SLC36A2: variants seen among roughly 807,000 people sequenced by gnomAD.
SLC36A2 encodes the protein solute carrier family 36 member 2.
Under a neutral mutation model 42.7 loss-of-function variants are expected in SLC36A2, and 39 were observed. The ratio of observed to expected loss-of-function variants is 0.91; its 90% confidence interval spans 0.71 to 1.19. The LOEUF (loss-of-function observed/expected upper bound fraction) is 1.19. SLC36A2 is among the 50% of genes most tolerant of loss of function. The pLI, the probability that SLC36A2 is intolerant of heterozygous loss-of-function variation, is 0.00. For missense variants in SLC36A2, 590 were observed against 613.7 expected, an observed-to-expected ratio of 0.96 and a Z score of 0.41; for synonymous variants, 237 against 240.8, an observed-to-expected ratio of 0.98 and a Z score of 0.15.
At chr5:151,326,294 C>T (rs1755849181) in intron 7 of SLC36A2, among the ~76,000 whole-genome samples, 1 of 152,288 alleles carries the variant, frequency 6.6e-6, no homozygotes, top group East Asian at 1.9e-4. Flanking sequence ...ATTCTTTTCC[C>T]ATTCACCAGG....
At chr5:151,330,352 A>C (rs1399595080) in intron 7 of SLC36A2, among the ~76,000 whole-genome samples, 1 of 152,226 alleles carries the variant, frequency 6.6e-6, no homozygotes, top group African/African-American at 2.4e-5. Context: ...AAACAATTGC[A>C]GATTTCTCAT....
At chr5:151,334,892 A>G (rs1756102991) in intron 6 of SLC36A2, among the ~76,000 whole-genome samples, 1 of 152,026 alleles carries the variant, frequency 6.6e-6, no homozygotes, top group South Asian at 2.1e-4. Context: ...CTCTATGTAT[A>G]TCTCTGTGAC....
chr5:151,332,709 ACTTTGGT>A (rs1756032433), intron 7 of SLC36A2, among the ~76,000 whole-genome samples: 2 of 152,216 alleles, frequency 1.3e-5, no homozygotes, highest in African/African-American at 4.8e-5. Flanking sequence ...CTGCATTCTG[ACTTTGGT>A]GCATTTATTC....
chr5:151,325,455 A>G lies in SLC36A2; in HGVS notation c.844-3T>C, dbSNP rs775186811. The stretch of plus-strand genomic sequence containing the variant: ...ATCTTGTTTTCCAGAGGCAGAACCT[A>G]CAGAAACATCACAATGTAAGAAGGA... On this transcript the variant is annotated splice_polypyrimidine_tract_variant and splice_region_variant and intron_variant, in intron 7 of 9. Coordinates refer to ENST00000335244, the MANE Select transcript of SLC36A2 (RefSeq NM_181776.3). 3.7e-5 allele frequency: 60 copies of G among 1,613,956 alleles called. No homozygotes were observed. The highest frequency in any genetic ancestry group is 4.8e-5 in the Non-Finnish European group (57 of 1,180,026).
At chr5:151,326,612 TG>T (rs984265091) in intron 7 of SLC36A2, among the ~76,000 whole-genome samples, 1 of 152,182 alleles carries the variant, frequency 6.6e-6, no homozygotes, top group African/African-American at 2.4e-5. Flanking sequence ...TCTTGCCGGT[TG>T]GACATTTGAA....
chr5:151,337,176 A>G (rs1756183164), intron 5 of SLC36A2, among the ~76,000 whole-genome samples: 1 of 152,096 alleles, frequency 6.6e-6, no homozygotes, highest in Admixed American at 6.5e-5. Flanking sequence ...TTCCTCTCCC[A>G]TGACCTACTC....
At chr5:151,341,924 T>A (rs1024814076) in intron 4 of SLC36A2, among the ~76,000 whole-genome samples, 2 of 152,234 alleles carry the variant, frequency 1.3e-5, no homozygotes, top group African/African-American at 4.8e-5. Context: ...ATCCAGTTCA[T>A]GATCAAGTCA....
At chr5:151,339,278 C>A in intron 4 of SLC36A2, 134 bp from the exon 5 acceptor site, 3 of 608,900 alleles carry the variant, frequency 4.9e-6, no homozygotes, top group Non-Finnish European at 9.2e-6. Flanking sequence ...CCTTCCACCA[C>A]AATCAACAAT....
intron 2 of SLC36A2, 50 bp from the exon 3 acceptor site, chr5:151,343,648 T>C (rs1198208943): frequency 6.6e-7 from 1 of 1,507,018 alleles, no homozygotes; most frequent in Non-Finnish European, 9.2e-7. Context: ...AGAATGCATT[T>C]ATGAAGAATA....
intron 9 of SLC36A2, 63 bp from the exon 10 acceptor site, chr5:151,317,151 TTCTTAAAGTCC>T: frequency 1.3e-6 from 2 of 1,582,912 alleles, no homozygotes. Context: ...TGAAAGTTTG[TTCTTAAAGTCC>T]TCTTCTTGGC....
Position 151,340,254 on chromosome 5 carries a change from AGAG to A in SLC36A2, c.441-1113_441-1111del, listed in dbSNP as rs113061396. Among the ~76,000 whole-genome samples, 910 of 147,032 alleles carry A rather than the reference AGAG, an allele frequency of 6.2e-3. 13 individuals carry two copies. The highest frequency in any genetic ancestry group is 0.019 in the African/African-American group (725 of 38,146). On this transcript the variant is annotated intron_variant, in intron 4 of 9. Coordinates refer to ENST00000335244, the MANE Select transcript of SLC36A2 (RefSeq NM_181776.3). ...AAGGGGAGGAGGAGGAGGGGGAAGA[AGAG>A]GAGGAGGTGGAAGAAGAACTAAGAG...
Position 151,316,722 on chromosome 5 carries a change from A to G in SLC36A2, c.*95T>C. On this transcript the variant is annotated 3_prime_UTR_variant, in exon 10 of 10. Transcript: ENST00000335244. ...ATCATTGTACTCCAGTCTGGGCAAC[A>G]AGACAGAAACTCCGTCTCAAAAAAA... 2.1e-6 allele frequency: 3 copies of G among 1,458,540 alleles called. No homozygotes were observed. Among genetic ancestry groups the G allele is most frequent in the Non-Finnish European group, 2.8e-6 (3 of 1,085,118 alleles). 90.3% of individuals were successfully genotyped at this position (1,458,540 alleles called of 1,614,324 possible). A position where few individuals can be genotyped will look rare whatever the true frequency, so the allele number is the denominator to read the frequency against.
Position 151,339,049 on chromosome 5 carries a change from G to C in SLC36A2, c.525+11C>G. 6.2e-7 allele frequency: 1 copy of C among 1,601,222 alleles called. No homozygotes were observed. Among genetic ancestry groups the C allele is most frequent in the East Asian group, 2.2e-5 (1 of 44,480 alleles). Reference sequence around the variant, plus strand: ...ATCTTTTCCCCTCCCGTTTTCTCTAGAAGCCTCTACCTGTTTTAAATTATC... The same window carrying C: ...ATCTTTTCCCCTCCCGTTTTCTCTACAAGCCTCTACCTGTTTTAAATTATC... On this transcript the variant is annotated intron_variant, in intron 5 of 9. Transcript: ENST00000335244.
chr5:151,321,995 A>G (rs1392987571), intron 9 of SLC36A2, 51 bp downstream of exon 9: 14 of 1,610,002 alleles, frequency 8.7e-6, no homozygotes, highest in East Asian at 4.5e-5. Context: ...CTGATTCTTT[A>G]TAGCCCTCAG....
intron 6 of SLC36A2, 127 bp from the exon 7 acceptor site, chr5:151,333,449 C>CA (rs1756053216): frequency 2.6e-6 from 2 of 783,062 alleles, no homozygotes; most frequent in African/African-American, 3.4e-5. Flanking sequence ...TAGAAAACTT[C>CA]AAAGGGATGT....
At chr5:151,345,551 G>A (rs540264869) in intron 1 of SLC36A2, among the ~76,000 whole-genome samples, 61 of 152,294 alleles carry the variant, frequency 4.0e-4, no homozygotes, top group African/African-American at 1.4e-3. Flanking sequence ...GAACAATCGA[G>A]GGAGAAAGGG....
intron 7 of SLC36A2, among the ~76,000 whole-genome samples, chr5:151,330,684 T>C (rs1393977263): frequency 1.3e-5 from 2 of 152,234 alleles, no homozygotes; most frequent in Non-Finnish European, 2.9e-5. Flanking sequence ...TTACAAGGAC[T>C]ATGCATGACT....
intron 5 of SLC36A2, among the ~76,000 whole-genome samples, chr5:151,337,715 G>A (rs1211029253): frequency 6.6e-6 from 1 of 152,118 alleles, no homozygotes; most frequent in Non-Finnish European, 1.5e-5. Flanking sequence ...GCCAACAGAT[G>A]ATAGTAGAGA....
chr5:151,319,905 G>T (rs1244182189), intron 9 of SLC36A2: 2 of 152,146 alleles, frequency 1.3e-5, no homozygotes, highest in African/African-American at 4.8e-5. Flanking sequence ...TATATAGCAG[G>T]TCCCTTCACA....
Sources: gnomAD v4.1 joint callset for allele counts (sites outside exome capture counted in the v4.1 genomes callset) on GRCh38, gnomAD v4.1.1 for gene constraint, MANE v1.5 for transcripts, NCBI Gene and HGNC (gene_info 2026-07-23, HGNC 2026-07-21) for gene names.